PCYOX1L: variants seen among roughly 807,000 people sequenced by gnomAD.
PCYOX1L encodes the protein prenylcysteine oxidase 1 like, also known as prenylcysteine oxidase 1-like.
Under a neutral mutation model 44.1 loss-of-function variants are expected in PCYOX1L, and 40 were observed. The ratio of observed to expected loss-of-function variants is 0.91; its 90% CI spans 0.70 to 1.18. The LOEUF (loss-of-function observed/expected upper bound fraction) is 1.18. Ranked by LOEUF, PCYOX1L falls within the 50% of genes most tolerant of loss-of-function variation. PCYOX1L has a pLI of 0.00. For synonymous variants in PCYOX1L, 266 were observed against 282.8 expected (o/e 0.94, Z 0.60); for missense variants, 605 against 653.3 (o/e 0.93, Z 0.81).
intron 1 of PCYOX1L, among the ~76,000 whole-genome samples, chr5:149,359,577 G>A (rs1297618020): frequency 6.6e-6 from 1 of 152,096 alleles, no homozygotes; most frequent in Non-Finnish European, 1.5e-5. Context: ...GGAATATGCA[G>A]GGCACTCCCC....
intron 1 of PCYOX1L, among the ~76,000 whole-genome samples, chr5:149,360,593 A>G (rs1390547532): frequency 6.6e-6 from 1 of 152,210 alleles, no homozygotes; most frequent in Non-Finnish European, 1.5e-5. Context: ...AGTACGGCTA[A>G]GCAGAGTGTG....
At chr5:149,363,700 A>G (rs531911179) in intron 2 of PCYOX1L, 4 of 330,918 alleles carry the variant, frequency 1.2e-5, no homozygotes, top group African/African-American at 8.4e-5. Context: ...AGGAGCTAGG[A>G]TAACTTCCAA....
At position 149,368,013 on chromosome 5, in the gene PCYOX1L, G is replaced by C; in HGVS notation, c.844G>C (p.Val282Leu). Residue 282 changes from valine to leucine, a missense_variant, in exon 6 of 6, where the codon GTG becomes CTG. Coordinates refer to ENST00000274569, the MANE Select transcript of PCYOX1L (RefSeq NM_024028.4). ...HSTEGKALYQ[V>L]AYENEVGNSS... ...TCCAGAGGGGAAAGCCCTGTACCAG[G>C]TGGCGTATGAGAATGAGGTAGGCAA... is the stretch of plus-strand genomic sequence containing the variant. 1 of 1,542,892 alleles carries C rather than the reference G, an allele frequency of 6.5e-7. No homozygotes were observed. The highest frequency in any genetic ancestry group is 8.7e-7 in the Non-Finnish European group (1 of 1,148,190).
intron 5 of PCYOX1L, 135 bp from the exon 6 acceptor site, chr5:149,367,858 C>G (rs1436399972): frequency 6.3e-6 from 6 of 950,458 alleles, no homozygotes; most frequent in Admixed American, 2.7e-5. Context: ...ATGGAGAGGC[C>G]AGGACCCACC....
At chr5:149,362,122 T>C (rs961495893) in intron 1 of PCYOX1L, 2 of 164,616 alleles carry the variant, frequency 1.2e-5, no homozygotes, top group African/African-American at 4.8e-5. Flanking sequence ...TAGACAATAA[T>C]TGAAAGAAAG....
At chr5:149,367,230 A>C (rs1374228792) in intron 4 of PCYOX1L, 130 bp from the exon 5 acceptor site, 6 of 1,135,342 alleles carry the variant, frequency 5.3e-6, no homozygotes, top group Non-Finnish European at 7.3e-6. Context: ...TATGTTTGCC[A>C]TCTCCCCATG....
intron 4 of PCYOX1L, among the ~76,000 whole-genome samples, chr5:149,366,533 A>G (rs1758212116): frequency 6.6e-6 from 1 of 152,186 alleles, no homozygotes; most frequent in African/African-American, 2.4e-5. Flanking sequence ...CCAGCTCTTC[A>G]CGGGAGTGGC....
chr5:149,366,245 A>C, intron 4 of PCYOX1L, 92 bp downstream of exon 4: 2 of 1,321,856 alleles, frequency 1.5e-6, no homozygotes, highest in Non-Finnish European at 2.1e-6. Context: ...CCTCACTTTT[A>C]TCCAGCTCAT....
intron 1 of PCYOX1L, among the ~76,000 whole-genome samples, chr5:149,359,934 C>T (rs1046961408): frequency 6.6e-6 from 1 of 152,236 alleles, no homozygotes; most frequent in Admixed American, 6.5e-5. Flanking sequence ...CATCAGGACC[C>T]TCTAAACCCA....
In PCYOX1L at chr5:149,368,289, A is replaced by G. The variant is rs766990568; in HGVS notation, c.1120A>G (p.Ile374Val). 1.1e-5 allele frequency: 17 copies of G among 1,614,140 alleles called. No individual in the cohort carries two copies. Among genetic ancestry groups the G allele is most frequent in the Middle Eastern group, 1.6e-4 (1 of 6,062 alleles). ...CAGCTTCTTCTGCACTCTGGACAAC[A>G]TCTGCCCTGTCAACATCTCTGCCAG... Reference protein sequence around the residue: ...FPSFFCTLDNICPVNISASFR... With the variant: ...FPSFFCTLDNVCPVNISASFR... The change falls in exon 6 of 6, where the codon ATC (isoleucine) becomes GTC (valine). Residue 374 changes from isoleucine to valine, a missense_variant. Transcript: ENST00000274569.
chr5:149,361,007 G>A (rs1004268092), intron 1 of PCYOX1L, among the ~76,000 whole-genome samples: 1 of 152,242 alleles, frequency 6.6e-6, no homozygotes, highest in Non-Finnish European at 1.5e-5. Flanking sequence ...TGTCTGATGA[G>A]AAGAGAGTGG....
intron 2 of PCYOX1L, 36 bp from the exon 3 acceptor site, chr5:149,363,999 TG>T: frequency 6.2e-7 from 1 of 1,607,622 alleles, no homozygotes; most frequent in Non-Finnish European, 8.5e-7. Context: ...CCCCAAGTCT[TG>T]GAGGGGACCT....
chr5:149,368,601 C>G lies in PCYOX1L; in HGVS notation c.1432C>G (p.Leu478Val), dbSNP rs747723618. The change falls in exon 6 of 6, where the codon CTA becomes GTA. Residue 478 changes from leucine (L) to valine (V), a missense_variant. By Grantham distance (32) the Leu-to-Val change is conservative (BLOSUM62 1). Transcript: ENST00000274569. ...GGCTTACAACCGCTGGTACCAGGAC[C>G]TAGACAAGATTGATCAAAAAGATTT... is the stretch of plus-strand genomic sequence containing the variant. Reference protein sequence around the residue: ...LLAYNRWYQDLDKIDQKDLMH... With the variant: ...LLAYNRWYQDVDKIDQKDLMH... 1.9e-6 allele frequency: 3 copies of G among 1,556,108 alleles called. No individual in the cohort carries two copies. Among genetic ancestry groups the G allele is most frequent in the Non-Finnish European group, 2.6e-6 (3 of 1,156,546 alleles).
Position 149,367,344 on chromosome 5 carries a change from T to C in PCYOX1L, c.683-16T>C. The C allele has an allele frequency of 6.2e-7, 1 of 1,604,022 alleles. No homozygotes were observed. The highest frequency in any genetic ancestry group is 8.5e-7 in the Non-Finnish European group (1 of 1,175,802). ...GCCCTGACAACCTATCAGCACCCAC[T>C]TCCCGCTTTGCCCAGGAGCCATGTC... On this transcript the variant is annotated splice_polypyrimidine_tract_variant and intron_variant, in intron 4 of 5. Transcript: ENST00000274569.
In PCYOX1L at chr5:149,366,116, C is replaced by G. The variant is rs749473351; in HGVS notation, c.645C>G (p.Ala215=). The part of the protein sequence containing the change: ...IDDVVSAVLR[A]SYGQSAAMPA... Reference sequence around the variant, plus strand: ...ATGTCGTTTCTGCTGTCCTGCGGGCCAGCTATGGCCAGTCAGCAGCGATGC... The same window carrying G: ...ATGTCGTTTCTGCTGTCCTGCGGGCGAGCTATGGCCAGTCAGCAGCGATGC... The change falls in exon 4 of 6, where the codon GCC becomes GCG. Residue 215 remains alanine (A), a synonymous_variant. Transcript: ENST00000274569. 2 of 1,613,568 alleles carry G rather than the reference C, an allele frequency of 1.2e-6. No homozygotes were observed. The highest frequency in any genetic ancestry group is 1.7e-6 in the Non-Finnish European group (2 of 1,180,048).
At chr5:149,362,911 C>G (rs1758059874) in intron 2 of PCYOX1L, 68 bp downstream of exon 2, 1 of 1,517,864 alleles carries the variant, frequency 6.6e-7, no homozygotes, top group East Asian at 2.3e-5. Flanking sequence ...GGGCCCTTCT[C>G]AGACTTCCCA....
intron 1 of PCYOX1L, 188 bp from the exon 2 acceptor site, chr5:149,362,449 G>T: frequency 1.6e-6 from 1 of 613,068 alleles, no homozygotes; most frequent in East Asian, 2.8e-5. Flanking sequence ...GCAGTTTTCA[G>T]GTTTGCCTTT....
chr5:149,364,374 C>T lies in PCYOX1L; in HGVS notation c.470+164C>T, dbSNP rs369481261. On this transcript the variant is annotated intron_variant, in intron 3 of 5. Transcript: ENST00000274569. ...GCAAGCCCCTGGCATGAGGAATGGC[C>T]GTATTTGGTCCAGTAATGGTCTCCC... is the stretch of plus-strand genomic sequence containing the variant. 1.6e-4 allele frequency: 126 copies of T among 772,308 alleles called. No individual in the cohort carries two copies. In the African/African-American group the frequency reaches 2.0e-3, roughly 12 times the overall value. The allele number at this position is 772,308 out of a possible 1,614,324, so 47.8% of individuals were successfully genotyped here. A position where few individuals can be genotyped will look rare whatever the true frequency, so the allele number is the denominator to read the frequency against.
Position 149,358,115 on chromosome 5 carries a change from C to T in PCYOX1L, c.47C>T (p.Ala16Val), listed in dbSNP as rs371001807. ...PLLAALTALL[A>V]AAAAGGDAPP... ...CTCGCCGCGTTGACCGCGCTCCTCG[C>T]CGCCGCCGCTGCTGGCGGAGATGCC... Residue 16 changes from alanine to valine, a missense_variant, in exon 1 of 6, where the codon GCC becomes GTC. Physicochemically the swap from Ala to Val is moderately conservative, Grantham distance 64. Transcript: ENST00000274569. The T allele has an allele frequency of 4.2e-6, 6 of 1,445,380 alleles. No individual in the cohort carries two copies. Among genetic ancestry groups the T allele is most frequent in the East Asian group, 6.1e-5 (2 of 32,956 alleles). 89.5% of individuals were successfully genotyped at this position (1,445,380 alleles called of 1,614,324 possible). A position where few individuals can be genotyped will look rare whatever the true frequency, so the allele number is the denominator to read the frequency against.
Sources: allele counts gnomAD v4.1 joint callset (sites outside exome capture counted in the v4.1 genomes callset), GRCh38; gene constraint gnomAD v4.1.1; transcripts MANE v1.5; gene names NCBI Gene and HGNC (gene_info 2026-07-23, HGNC 2026-07-21).